MYO9B: variants seen among roughly 807,000 people sequenced by gnomAD.
MYO9B encodes myosin IXB.
A neutral mutation model predicts 229.5 loss-of-function variants in MYO9B; 71 were observed. The ratio of observed to expected loss-of-function variants is 0.31; its 90% CI spans 0.26 to 0.38. The LOEUF (loss-of-function observed/expected upper bound fraction) is 0.38, where lower values mean the gene tolerates loss of function less well. MYO9B is among the 10% of genes least tolerant of loss of function. MYO9B has a pLI of 1.00. For missense variants in MYO9B, 2,255 were observed against 2,920.5 expected, an observed-to-expected ratio of 0.77 and a Z score of 5.25; for synonymous variants, 1,185 against 1,235.8, an observed-to-expected ratio of 0.96 and a Z score of 0.86.
At chr19:17,154,739 T>C (rs1350453808) in intron 6 of MYO9B, among the ~76,000 whole-genome samples, 1 of 152,088 alleles carries the variant, frequency 6.6e-6, no homozygotes, top group East Asian at 1.9e-4. Flanking sequence ...AGGTGGAGGA[T>C]TGCATGGGCC....
chr19:17,154,221 G>A, intron 5 of MYO9B, 94 bp from the exon 6 acceptor site: 2 of 1,385,232 alleles, frequency 1.4e-6, no homozygotes, highest in African/African-American at 1.4e-5. Flanking sequence ...CCTGGTCCTG[G>A]GGCCCTGCCC....
chr19:17,171,155 C>G (rs2072720441), intron 11 of MYO9B, among the ~76,000 whole-genome samples: 3 of 152,182 alleles, frequency 2.0e-5, no homozygotes, highest in Admixed American at 2.0e-4. Context: ...ATAGACTCTC[C>G]CCTCCTTGGC....
Position 17,210,708 on chromosome 19 carries a change from G to A in MYO9B, c.5797-7G>A. 6.5e-7 allele frequency: 1 copy of A among 1,534,582 alleles called. No homozygotes were observed. The highest frequency in any genetic ancestry group is 8.8e-7 in the Non-Finnish European group (1 of 1,139,650). The stretch of plus-strand genomic sequence containing the variant: ...TGTCAGTGGGACCCCTTGCTTCTTT[G>A]TTTCAGAACAAGAGCCCCAAGACCC... On this transcript the variant is annotated splice_polypyrimidine_tract_variant and splice_region_variant and intron_variant, in intron 37 of 39. Coordinates refer to ENST00000682292, the MANE Select transcript of MYO9B (RefSeq NM_004145.4).
At chr19:17,190,764 T>A (rs2145440871) in intron 19 of MYO9B, among the ~76,000 whole-genome samples, 1 of 152,044 alleles carries the variant, frequency 6.6e-6, no homozygotes, top group East Asian at 1.9e-4. Context: ...GTTCAAGTGA[T>A]TCTCCTGCCT....
In MYO9B at chr19:17,149,686, A is replaced by G. The variant is rs2072455686; in HGVS notation, c.936-2958A>G. Among the ~76,000 whole-genome samples, 3 of 152,298 alleles carry G rather than the reference A, an allele frequency of 2.0e-5. No individual in the cohort carries two copies. In the South Asian group the frequency reaches 6.2e-4, roughly 32 times the overall value. On this transcript the variant is annotated intron_variant, in intron 3 of 39. Coordinates refer to ENST00000682292, the MANE Select transcript of MYO9B (RefSeq NM_004145.4). The stretch of plus-strand genomic sequence containing the variant: ...CTCCATGCCATTCCCACCAAGGCCA[A>G]GGGTCAGGCACAGTCCAAGCCTCCC...
chr19:17,112,575 G>T (rs1411748569), intron 2 of MYO9B, among the ~76,000 whole-genome samples: 1 of 152,228 alleles, frequency 6.6e-6, no homozygotes, highest in Admixed American at 6.5e-5. Context: ...GATAGCTGAG[G>T]ACGGACAGGT....
At chr19:17,191,316 T>C (rs971078781) in intron 20 of MYO9B, 97 bp downstream of exon 20, 4 of 1,372,518 alleles carry the variant, frequency 2.9e-6, no homozygotes, top group African/African-American at 3.0e-5. Flanking sequence ...CTCTGAAACA[T>C]ACAGGGCTCT....
intron 2 of MYO9B, among the ~76,000 whole-genome samples, chr19:17,118,321 G>C (rs1020690049): frequency 1.6e-4 from 24 of 151,954 alleles, no homozygotes; most frequent in African/African-American, 5.8e-4. Flanking sequence ...CTAGATGGAG[G>C]CCGGGAGCCA....
At position 17,169,802 on chromosome 19, in the gene MYO9B, C is replaced by CTTT. The variant is rs762583073; in HGVS notation, c.1793+1765_1793+1767dup. Reference sequence around the variant, plus strand: ...TCATTCATCTCAATCCTGTCTCCTCCTTTTTTTTTTTTTTTTTTTTTTTTT... The same window carrying CTTT: ...TCATTCATCTCAATCCTGTCTCCTCCTTTTTTTTTTTTTTTTTTTTTTTTTTTT... On this transcript the variant is annotated intron_variant, in intron 11 of 39. Coordinates refer to ENST00000682292, the MANE Select transcript of MYO9B (RefSeq NM_004145.4). 1.9e-3 allele frequency among the ~76,000 whole-genome samples: 207 copies of CTTT among 106,594 alleles called. 23 individuals are homozygous for CTTT. The highest frequency in any genetic ancestry group is 7.4e-3 in the African/African-American group (179 of 24,196). 69.9% of individuals were successfully genotyped at this position (106,594 alleles called of 152,430 possible). A position where few individuals can be genotyped will look rare whatever the true frequency, so the allele number is the denominator to read the frequency against.
chr19:17,162,944 G>C, intron 9 of MYO9B, 44 bp from the exon 10 acceptor site: 1 of 1,589,818 alleles, frequency 6.3e-7, no homozygotes, highest in Non-Finnish European at 8.6e-7. Context: ...TGGCTCCCTC[G>C]GGGTGCACCT....
In MYO9B at chr19:17,161,921, G is replaced by A. The variant is rs555744786; in HGVS notation, c.1420-429G>A. 3.3e-5 allele frequency among the ~76,000 whole-genome samples: 5 copies of A among 151,734 alleles called. No individual in the cohort carries two copies. In the East Asian group the frequency reaches 9.7e-4, roughly 29 times the overall value. ...GAAGATTGCTTGAGCCCAGGAAGTG[G>A]AGTTTGCAGTGAGCCAAGATTGCGC... On this transcript the variant is annotated intron_variant, in intron 8 of 39. Transcript: ENST00000682292.
intron 11 of MYO9B, among the ~76,000 whole-genome samples, chr19:17,168,271 C>T (rs111510320): frequency 0.013 from 1,933 of 152,232 alleles, 48 homozygotes; most frequent in African/African-American, 0.043. Context: ...CTCAAGTGAT[C>T]CCCTGACGTG....
intron 10 of MYO9B, among the ~76,000 whole-genome samples, chr19:17,163,937 A>G (rs1267858970): frequency 6.6e-6 from 1 of 152,178 alleles, no homozygotes; most frequent in Non-Finnish European, 1.5e-5. Flanking sequence ...GCTTCTTTGA[A>G]CATGGGTGTG....
chr19:17,181,087 C>A, intron 15 of MYO9B, 47 bp downstream of exon 15: 1 of 1,376,816 alleles, frequency 7.3e-7, no homozygotes, highest in South Asian at 1.2e-5. Context: ...CAACCGCCTC[C>A]CACTACTCCT....
At chr19:17,084,622 G>A (rs1449103941) in intron 1 of MYO9B, among the ~76,000 whole-genome samples, 4 of 150,830 alleles carry the variant, frequency 2.7e-5, no homozygotes, top group Non-Finnish European at 5.9e-5. Flanking sequence ...CCAACACTTT[G>A]GGAGGCTGAG....
chr19:17,205,525 G>A (rs772964709), intron 31 of MYO9B, among the ~76,000 whole-genome samples, 189 bp downstream of exon 31: 10 of 152,204 alleles, frequency 6.6e-5, no homozygotes, highest in Non-Finnish European at 1.5e-4. Flanking sequence ...CCCTCAGGCA[G>A]GGCCCAGGCC....
chr19:17,105,933 C>T (rs1406942601), intron 2 of MYO9B, among the ~76,000 whole-genome samples: 1 of 152,070 alleles, frequency 6.6e-6, no homozygotes, highest in East Asian at 1.9e-4. Context: ...AGCAATTTCA[C>T]CATAGAATGT....
At chr19:17,208,178 T>A (rs184964380) in intron 35 of MYO9B, among the ~76,000 whole-genome samples, 126 of 137,990 alleles carry the variant, frequency 9.1e-4, no homozygotes, top group Non-Finnish European at 1.2e-3. Flanking sequence ...AAATAAAAAA[T>A]ATATATATAA....
At chr19:17,192,236 T>C (rs1351746794) in intron 20 of MYO9B, among the ~76,000 whole-genome samples, 3 of 146,260 alleles carry the variant, frequency 2.1e-5, no homozygotes, top group African/African-American at 7.5e-5. Context: ...GAGGTTGCAG[T>C]GAGCTGAGAT....
Sources: gnomAD v4.1 joint callset for allele counts (sites outside exome capture counted in the v4.1 genomes callset) on GRCh38, gnomAD v4.1.1 for gene constraint, MANE v1.5 for transcripts, NCBI Gene and HGNC (gene_info 2026-07-23, HGNC 2026-07-21) for gene names.